Variants in DOCK2 observed in about 807,000 individuals in gnomAD.
DOCK2 encodes the protein dedicator of cytokinesis protein 2.
Under a neutral mutation model 248.9 loss-of-function variants are expected in DOCK2, and 87 were observed. The ratio of observed to expected loss-of-function variants is 0.35; its 90% CI spans 0.29 to 0.42. The LOEUF (loss-of-function observed/expected upper bound fraction) is 0.42, where lower values mean the gene tolerates loss of function less well. Among genes scored for constraint, DOCK2 ranks in the 10% least tolerant of loss-of-function variants. The pLI, the probability that DOCK2 is intolerant of heterozygous loss-of-function variation, is 1.00. For synonymous variants in DOCK2, 805 were observed against 821.6 expected (o/e 0.98, Z 0.35); for missense variants, 1,747 against 2,300.2 (o/e 0.76, Z 4.92).
chr5:169,943,312 G>C (rs1776314270), intron 27 of DOCK2, among the ~76,000 whole-genome samples: 1 of 152,168 alleles, frequency 6.6e-6, no homozygotes, highest in Admixed American at 6.5e-5. Flanking sequence ...AGCAGTAGCT[G>C]TCTAAAGGTT....
chr5:169,742,925 C>T (rs1428679137), intron 22 of DOCK2, among the ~76,000 whole-genome samples: 2 of 152,212 alleles, frequency 1.3e-5, no homozygotes, highest in East Asian at 1.9e-4. Context: ...TCCAGTTTTC[C>T]TTGTGGTCAG....
intron 27 of DOCK2, among the ~76,000 whole-genome samples, chr5:169,926,606 G>A (rs766042759): frequency 3.3e-5 from 5 of 152,184 alleles, no homozygotes; most frequent in Admixed American, 6.5e-5. Context: ...GGACAGAATA[G>A]GGTTTAAGCA....
intron 29 of DOCK2, 105 bp from the exon 30 acceptor site, chr5:169,995,981 T>G: frequency 1.6e-6 from 2 of 1,231,836 alleles, no homozygotes; most frequent in Middle Eastern, 2.0e-4. Flanking sequence ...ATTTGGCCTT[T>G]GAGCCTCTCT....
At chr5:169,997,638 A>G (rs963650454) in intron 30 of DOCK2, among the ~76,000 whole-genome samples, 4 of 149,902 alleles carry the variant, frequency 2.7e-5, no homozygotes, top group African/African-American at 9.9e-5. Flanking sequence ...TTAACAAAGT[A>G]CATCTTGCAC....
chr5:169,768,668 G>GGTGTTA (rs1764920508), intron 25 of DOCK2, among the ~76,000 whole-genome samples: 1 of 152,184 alleles, frequency 6.6e-6, no homozygotes, highest in African/African-American at 2.4e-5. Context: ...GGTGTTAGCA[G>GGTGTTA]GCTGCCCAAG....
At chr5:170,033,445 G>A (rs1044867796) in intron 34 of DOCK2, among the ~76,000 whole-genome samples, 3 of 152,040 alleles carry the variant, frequency 2.0e-5, no homozygotes, top group African/African-American at 7.2e-5. Context: ...CCCACCTAAA[G>A]CCTTGTTGGA....
At chr5:169,887,033 T>C (rs1773013313) in intron 27 of DOCK2, among the ~76,000 whole-genome samples, 1 of 152,226 alleles carries the variant, frequency 6.6e-6, no homozygotes, top group African/African-American at 2.4e-5. Context: ...AATATATTTA[T>C]ACCAAGTTAT....
Position 170,080,193 on chromosome 5 carries a change from A to G in DOCK2, c.5197A>G (p.Thr1733Ala). The G allele has an allele frequency of 1.2e-6, 2 of 1,613,992 alleles. No individual in the cohort carries two copies. Among genetic ancestry groups the G allele is most frequent in the Non-Finnish European group, 1.7e-6 (2 of 1,179,978 alleles). Reference sequence around the variant, plus strand: ...CAGGAAGCATGAGTTCATGAGTGACACCAACCTCTCGGAGCATGCGGCCAT... The same window carrying G: ...CAGGAAGCATGAGTTCATGAGTGACGCCAACCTCTCGGAGCATGCGGCCAT... ...LSRKHEFMSDTNLSEHAAIPL... is the reference protein window; with the variant it reads ...LSRKHEFMSDANLSEHAAIPL... The change falls in exon 50 of 52, where the codon ACC becomes GCC. Residue 1733 changes from threonine to alanine, a missense_variant. Coordinates refer to ENST00000520908, the MANE Select transcript of DOCK2 (RefSeq NM_004946.3).
intron 29 of DOCK2, among the ~76,000 whole-genome samples, chr5:169,989,411 G>T (rs565050773): frequency 6.6e-6 from 1 of 152,246 alleles, no homozygotes; most frequent in East Asian, 1.9e-4. Flanking sequence ...TTTTGAGGAG[G>T]CTTAGGATTT....
intron 27 of DOCK2, among the ~76,000 whole-genome samples, chr5:169,864,794 CATT>C (rs763251054): frequency 3.2e-4 from 48 of 152,214 alleles, no homozygotes; most frequent in Non-Finnish European, 6.2e-4. Context: ...AAAACTGTCT[CATT>C]ATTAAAAAAT....
chr5:169,663,443 G>A (rs766305964), intron 2 of DOCK2, among the ~76,000 whole-genome samples: 1 of 152,212 alleles, frequency 6.6e-6, no homozygotes, highest in Admixed American at 6.5e-5. Context: ...CTGTGTGGGG[G>A]CTCCAACCCC....
chr5:169,836,139 A>C (rs962688469), intron 26 of DOCK2, among the ~76,000 whole-genome samples: 3 of 152,226 alleles, frequency 2.0e-5, no homozygotes, highest in African/African-American at 7.2e-5. Context: ...TCATATCAAA[A>C]CTGTAAGTAG....
At chr5:169,975,012 A>G (rs2113772058) in intron 27 of DOCK2, among the ~76,000 whole-genome samples, 1 of 152,262 alleles carries the variant, frequency 6.6e-6, no homozygotes. Context: ...CTCCAAAAGT[A>G]GGCTTCTGTT....
chr5:170,067,421 C>A, intron 44 of DOCK2, 89 bp from the exon 45 acceptor site: 2 of 1,384,370 alleles, frequency 1.4e-6, no homozygotes, highest in Admixed American at 4.1e-5. Flanking sequence ...ATTTGAATTC[C>A]CACCCCAAGT....
intron 44 of DOCK2, among the ~76,000 whole-genome samples, chr5:170,063,717 G>A (rs950841004): frequency 5.7e-4 from 87 of 152,296 alleles, no homozygotes; most frequent in African/African-American, 2.0e-3. Context: ...GTCCTCTTAA[G>A]GATATAGCTC....
In DOCK2 at chr5:169,937,529, A is replaced by G. The variant is rs114899811; in HGVS notation, c.2800-45539A>G. The stretch of plus-strand genomic sequence containing the variant: ...ATAAAAGGCTAATGAGATTAGTAAA[A>G]GCAATGATAATAGGAACATATATTG... On this transcript the variant is annotated intron_variant, in intron 27 of 51. Coordinates refer to ENST00000520908, the MANE Select transcript of DOCK2 (RefSeq NM_004946.3). Among the ~76,000 whole-genome samples, 946 of 152,368 alleles carry G rather than the reference A, an allele frequency of 6.2e-3. 9 individuals are homozygous for G. The highest frequency in any genetic ancestry group is 0.021 in the African/African-American group (867 of 41,590).
chr5:170,062,446 C>A (rs539852960), intron 44 of DOCK2, among the ~76,000 whole-genome samples: 1 of 151,900 alleles, frequency 6.6e-6, no homozygotes, highest in Non-Finnish European at 1.5e-5. Flanking sequence ...CACATTGAAC[C>A]GATATGAAAA....
At position 170,001,031 on chromosome 5, in the gene DOCK2, G is replaced by C. The variant is rs1447155713; in HGVS notation, c.3072+4867G>C. Reference sequence around the variant, plus strand: ...ATGGTGGGATGGTTGGTTCCACCAGGCAGAACGGTGGGCACATGCTTGGGT... The same window carrying C: ...ATGGTGGGATGGTTGGTTCCACCAGCCAGAACGGTGGGCACATGCTTGGGT... On this transcript the variant is annotated intron_variant, in intron 30 of 51. Coordinates refer to ENST00000520908, the MANE Select transcript of DOCK2 (RefSeq NM_004946.3). 3.3e-5 allele frequency among the ~76,000 whole-genome samples: 5 copies of C among 152,262 alleles called. No individual in the cohort carries two copies. The East Asian group carries it at 9.7e-4, about 29-fold the overall frequency.
chr5:169,813,134 G>A (rs570953438), intron 26 of DOCK2, among the ~76,000 whole-genome samples: 1 of 152,334 alleles, frequency 6.6e-6, no homozygotes, highest in South Asian at 2.1e-4. Context: ...AGCTGGAGCT[G>A]GCTCTTTCCA....
Sources: gnomAD v4.1 joint callset for allele counts (sites outside exome capture counted in the v4.1 genomes callset) on GRCh38, gnomAD v4.1.1 for gene constraint, MANE v1.5 for transcripts, NCBI Gene and HGNC (gene_info 2026-07-23, HGNC 2026-07-21) for gene names.